Variants in PCDH15 observed in about 807,000 individuals in gnomAD.
PCDH15 encodes the protein protocadherin related 15, also known as protocadherin-15.
In PCDH15, 129 loss-of-function variants were observed where a neutral mutation model predicts 178.5. The observed-to-expected ratio is 0.72, with a 90% CI of 0.63 to 0.84. PCDH15 has a LOEUF of 0.84. Among genes scored for constraint, PCDH15 ranks in the 40% least tolerant of loss-of-function variants. The pLI is 0.00. For synonymous variants in PCDH15, 800 were observed against 732.0 expected (o/e 1.09, Z -1.50); for missense variants, 2,230 against 2,099.9 (o/e 1.06, Z -1.21).
At chr10:55,416,929 C>T (rs1838497595) in intron 2 of PCDH15, among the ~76,000 whole-genome samples, 1 of 151,606 alleles carries the variant, frequency 6.6e-6, no homozygotes, top group Non-Finnish European at 1.5e-5. Context: ...AGTGGAGAAA[C>T]ATGTTGACAC....
At chr10:54,947,413 C>A (rs1838222774) in intron 2 of PCDH15, among the ~76,000 whole-genome samples, 1 of 151,876 alleles carries the variant, frequency 6.6e-6, no homozygotes, top group Non-Finnish European at 1.5e-5. Context: ...ATTAATAGAA[C>A]ATCCTCTGCC....
chr10:54,759,883 A>C (rs542013742), intron 1 of PCDH15, among the ~76,000 whole-genome samples: 8 of 152,156 alleles, frequency 5.3e-5, no homozygotes, highest in Non-Finnish European at 1.2e-4. Context: ...TTTCACTACT[A>C]TGCCCTGAGC....
At chr10:54,391,146 C>A (rs1950502756) in intron 3 of PCDH15, among the ~76,000 whole-genome samples, 2 of 152,068 alleles carry the variant, frequency 1.3e-5, no homozygotes, top group Admixed American at 6.5e-5. Flanking sequence ...CATGAGAAAC[C>A]AAATGTAATA....
chr10:54,287,459 A>T (rs542255138), intron 8 of PCDH15, among the ~76,000 whole-genome samples: 1 of 152,304 alleles, frequency 6.6e-6, no homozygotes, highest in Non-Finnish European at 1.5e-5. Context: ...ACTGAATTCC[A>T]GTACCTAATT....
At chr10:54,025,591 T>C (rs951432957) in intron 18 of PCDH15, among the ~76,000 whole-genome samples, 5 of 151,362 alleles carry the variant, frequency 3.3e-5, no homozygotes, top group Admixed American at 1.3e-4. Context: ...CTCCGCCTTC[T>C]GGGTTCAAGC....
At chr10:55,518,238 A>G (rs903610680) in intron 2 of PCDH15, among the ~76,000 whole-genome samples, 3 of 152,274 alleles carry the variant, frequency 2.0e-5, no homozygotes, top group African/African-American at 7.2e-5. Context: ...CTGTCTATAC[A>G]AATTGCATGT....
chr10:54,307,604 C>G (rs2060636676), intron 8 of PCDH15, among the ~76,000 whole-genome samples: 2 of 151,984 alleles, frequency 1.3e-5, no homozygotes, highest in Admixed American at 6.6e-5. Context: ...CATTTGGCAT[C>G]TGCTGCTCCC....
intron 25 of PCDH15, among the ~76,000 whole-genome samples, chr10:53,909,534 C>G (rs929731906): frequency 6.6e-6 from 1 of 152,132 alleles, no homozygotes; most frequent in African/African-American, 2.4e-5. Flanking sequence ...ACAGACACCC[C>G]CATTCCAAGA....
intron 18 of PCDH15, among the ~76,000 whole-genome samples, chr10:54,045,016 T>C (rs1048698380): frequency 1.1e-4 from 17 of 152,146 alleles, no homozygotes; most frequent in African/African-American, 3.9e-4. Flanking sequence ...TTGGCACTAA[T>C]ATACAGTACC....
intron 2 of PCDH15, among the ~76,000 whole-genome samples, chr10:55,103,112 T>A (rs201069589): frequency 9.4e-6 from 1 of 106,628 alleles, no homozygotes; most frequent in Non-Finnish European, 1.6e-5. Flanking sequence ...CTGATTTTTC[T>A]TTTTTTTTTT....
chr10:55,161,613 AAAAC>A (rs1839069447), intron 2 of PCDH15, among the ~76,000 whole-genome samples: 1 of 152,170 alleles, frequency 6.6e-6, no homozygotes, highest in African/African-American at 2.4e-5. Flanking sequence ...GGAAGGTTAT[AAAAC>A]AATGTTAGAA....
intron 23 of PCDH15, among the ~76,000 whole-genome samples, chr10:53,954,891 C>T (rs763723426): frequency 2.0e-5 from 3 of 152,140 alleles, no homozygotes; most frequent in Admixed American, 1.3e-4. Flanking sequence ...CTCATGTACC[C>T]CATGGTGCAT....
chr10:54,292,662 T>C (rs1055312603), intron 8 of PCDH15, among the ~76,000 whole-genome samples: 1 of 152,136 alleles, frequency 6.6e-6, no homozygotes, highest in Non-Finnish European at 1.5e-5. Flanking sequence ...TCACAAGCAT[T>C]CCTATATGTC....
intron 2 of PCDH15, among the ~76,000 whole-genome samples, chr10:54,586,701 A>G (rs1270004215): frequency 6.6e-6 from 1 of 152,104 alleles, no homozygotes; most frequent in South Asian, 2.1e-4. Context: ...CACCATGTTT[A>G]GTTAAGTTAG....
intron 2 of PCDH15, among the ~76,000 whole-genome samples, chr10:55,040,209 G>A (rs1158926453): frequency 6.6e-6 from 1 of 152,038 alleles, no homozygotes; most frequent in Non-Finnish European, 1.5e-5. Flanking sequence ...AAGCCAATAA[G>A]TAGGCGATAA....
intron 15 of PCDH15, among the ~76,000 whole-genome samples, chr10:54,125,531 G>C (rs889456597): frequency 6.6e-6 from 1 of 152,176 alleles, no homozygotes; most frequent in African/African-American, 2.4e-5. Flanking sequence ...CTTTGCTATT[G>C]AAGGGATTGT....
chr10:53,843,398 C>A (rs951387895), intron 28 of PCDH15, among the ~76,000 whole-genome samples: 1 of 149,512 alleles, frequency 6.7e-6, no homozygotes, highest in Non-Finnish European at 1.5e-5. Context: ...TAAATTTCCT[C>A]ACATATATAC....
intron 1 of PCDH15, among the ~76,000 whole-genome samples, chr10:54,764,625 C>T (rs1314259164): frequency 6.6e-6 from 1 of 152,010 alleles, no homozygotes; most frequent in Non-Finnish European, 1.5e-5. Flanking sequence ...TAGGGTAAAC[C>T]TCATGACCTC....
At chr10:53,835,689 G>A (rs2077265960) in intron 29 of PCDH15, among the ~76,000 whole-genome samples, 1 of 152,124 alleles carries the variant, frequency 6.6e-6, no homozygotes, top group African/African-American at 2.4e-5. Context: ...GGCTGAGGTG[G>A]GATGATTACT....
Sources: allele counts gnomAD v4.1 joint callset (sites outside exome capture counted in the v4.1 genomes callset), GRCh38; gene constraint gnomAD v4.1.1; transcripts MANE v1.5; gene names NCBI Gene and HGNC (gene_info 2026-07-23, HGNC 2026-07-21).